The following CDC14B variants were observed in gnomAD, a reference collection of about 807,000 sequenced individuals.
CDC14B encodes dual specificity protein phosphatase CDC14B.
In CDC14B, 22 loss-of-function variants were observed where a neutral mutation model predicts 64.2. The ratio of observed to expected loss-of-function variants is 0.34; its 90% confidence interval spans 0.24 to 0.49. CDC14B has a LOEUF of 0.49. Ranked by LOEUF, CDC14B falls within the 20% of genes least tolerant of loss-of-function variation. The pLI, the probability that CDC14B is intolerant of heterozygous loss-of-function variation, is 0.99. For synonymous variants in CDC14B, 191 were observed against 215.8 expected, an observed-to-expected ratio of 0.89 and a Z score of 1.01; for missense variants, 498 against 629.9, an observed-to-expected ratio of 0.79 and a Z score of 2.24.
At chr9:96,566,754 C>T (rs1434507952) in intron 1 of CDC14B, 1 of 1,601,588 alleles carries the variant, frequency 6.2e-7, no homozygotes, top group Non-Finnish European at 8.5e-7. Flanking sequence ...GAAGCCCCCG[C>T]CCTCCCGGCT....
intron 12 of CDC14B, among the ~76,000 whole-genome samples, chr9:96,513,304 G>A (rs1440390810): frequency 6.6e-6 from 1 of 152,136 alleles, no homozygotes; most frequent in Non-Finnish European, 1.5e-5. Flanking sequence ...GATGAAATCG[G>A]GGTTGGGGGA....
At chr9:96,603,708 CTA>C (rs910232029) in intron 1 of CDC14B, among the ~76,000 whole-genome samples, 11 of 152,202 alleles carry the variant, frequency 7.2e-5, no homozygotes, top group Admixed American at 6.5e-5. Flanking sequence ...AAGATTAGCA[CTA>C]TGACTTATTT....
At chr9:96,538,653 A>C (rs1422858473) in intron 7 of CDC14B, 1 of 153,654 alleles carries the variant, frequency 6.5e-6, no homozygotes, top group East Asian at 1.9e-4. Context: ...TAATCCCAGA[A>C]GTTCAAGGCT....
At chr9:96,557,522 A>T (rs1842646830) in intron 4 of CDC14B, among the ~76,000 whole-genome samples, 1 of 152,184 alleles carries the variant, frequency 6.6e-6, no homozygotes, top group South Asian at 2.1e-4. Context: ...AAGATAATTA[A>T]ATCATTTAAA....
At chr9:96,568,641 C>T (rs749417989) in intron 1 of CDC14B, among the ~76,000 whole-genome samples, 6 of 152,156 alleles carry the variant, frequency 3.9e-5, no homozygotes, top group African/African-American at 1.2e-4. Flanking sequence ...ACTAGACAGA[C>T]GTGGCGGCTC....
rs1833445931 is a variant in CDC14B, at chr9:96,500,316, T to C, written c.*3437A>G. The C allele has an allele frequency of 6.6e-6, 1 of 152,542 alleles. No individual in the cohort carries two copies. Among genetic ancestry groups the C allele is most frequent in the Non-Finnish European group, 1.5e-5 (1 of 68,044 alleles). The allele number at this position is 152,542 out of a possible 1,614,324, so 9.4% of individuals were successfully genotyped here. A position where few individuals can be genotyped will look rare whatever the true frequency, so the allele number is the denominator to read the frequency against. On this transcript the variant is annotated 3_prime_UTR_variant, in exon 14 of 14. Coordinates refer to ENST00000375241, the MANE Select transcript of CDC14B (RefSeq NM_033331.4). The stretch of plus-strand genomic sequence containing the variant: ...ATAAACATTCATTCAACCAGTTCTC[T>C]TGGCTTTAAAAAATATGATTAGAAA...
intron 13 of CDC14B, among the ~76,000 whole-genome samples, chr9:96,493,915 C>T (rs1214541327): frequency 6.6e-6 from 1 of 152,224 alleles, no homozygotes; most frequent in Admixed American, 6.5e-5. Context: ...TCCCCGCGCT[C>T]CCAGGACTCG....
intron 7 of CDC14B, among the ~76,000 whole-genome samples, chr9:96,535,351 C>T (rs1417280801): frequency 6.6e-6 from 1 of 151,868 alleles, no homozygotes; most frequent in Admixed American, 6.6e-5. Context: ...TGCACTGAAC[C>T]GACCAGGAAA....
chr9:96,573,740 A>T (rs531152831), intron 1 of CDC14B, among the ~76,000 whole-genome samples: 1 of 152,222 alleles, frequency 6.6e-6, no homozygotes, highest in Non-Finnish European at 1.5e-5. Context: ...TGTATGAATT[A>T]AATGTAATAA....
At chr9:96,512,151 A>G (rs1834987866) in intron 12 of CDC14B, among the ~76,000 whole-genome samples, 1 of 151,618 alleles carries the variant, frequency 6.6e-6, no homozygotes, top group Non-Finnish European at 1.5e-5. Context: ...CTGGGAGGTC[A>G]AGACTGCAGT....
At chr9:96,553,739 A>C (rs1842133985) in intron 4 of CDC14B, among the ~76,000 whole-genome samples, 1 of 152,044 alleles carries the variant, frequency 6.6e-6, no homozygotes, top group Non-Finnish European at 1.5e-5. Flanking sequence ...TTTTTTCCAA[A>C]TTCCCTTATT....
At chr9:96,564,493 C>G (rs16905624) in intron 3 of CDC14B, among the ~76,000 whole-genome samples, 3 of 152,182 alleles carry the variant, frequency 2.0e-5, no homozygotes, top group African/African-American at 7.2e-5. Context: ...TCAGACAATA[C>G]GAGGTTCACT....
intron 9 of CDC14B, among the ~76,000 whole-genome samples, chr9:96,525,098 A>T (rs1837356848): frequency 6.6e-6 from 1 of 152,212 alleles, no homozygotes; most frequent in Admixed American, 6.5e-5. Flanking sequence ...GCAACAGGGA[A>T]TCAGGAACTA....
At chr9:96,558,611 C>T (rs1210313519) in intron 4 of CDC14B, among the ~76,000 whole-genome samples, 1 of 152,070 alleles carries the variant, frequency 6.6e-6, no homozygotes, top group African/African-American at 2.4e-5. Flanking sequence ...ATTTTTACAA[C>T]AAAATTAACA....
intron 1 of CDC14B, among the ~76,000 whole-genome samples, chr9:96,609,976 G>T (rs915885392): frequency 6.6e-6 from 1 of 152,114 alleles, no homozygotes; most frequent in Non-Finnish European, 1.5e-5. Context: ...GCCAACTGGT[G>T]AATGAAGCAT....
At chr9:96,511,891 G>A (rs543338209) in intron 12 of CDC14B, among the ~76,000 whole-genome samples, 10 of 151,668 alleles carry the variant, frequency 6.6e-5, no homozygotes, top group Non-Finnish European at 1.0e-4. Context: ...CCAAAATTTC[G>A]AGACCAGCCT....
chr9:96,601,014 G>A (rs1045010819), intron 1 of CDC14B, among the ~76,000 whole-genome samples: 1 of 152,024 alleles, frequency 6.6e-6, no homozygotes, highest in Admixed American at 6.6e-5. Flanking sequence ...ATGTTTAGAA[G>A]TGTTTATGAC....
chr9:96,537,805 C>T (rs1202289041), intron 7 of CDC14B, among the ~76,000 whole-genome samples: 1 of 152,098 alleles, frequency 6.6e-6, no homozygotes, highest in Non-Finnish European at 1.5e-5. Context: ...TCACGGCAAC[C>T]TCTGCCTCCC....
At chr9:96,578,778 T>A (rs114615881) in intron 1 of CDC14B, among the ~76,000 whole-genome samples, 1 of 152,326 alleles carries the variant, frequency 6.6e-6, no homozygotes, top group African/African-American at 2.4e-5. Context: ...GAAATCCCAA[T>A]AAAGTCTGCA....
Sources: allele counts gnomAD v4.1 joint callset (sites outside exome capture counted in the v4.1 genomes callset), GRCh38; gene constraint gnomAD v4.1.1; transcripts MANE v1.5; gene names NCBI Gene and HGNC (gene_info 2026-07-23, HGNC 2026-07-21).